KAT2B: variants seen among roughly 807,000 people sequenced by gnomAD.
The protein encoded by KAT2B is lysine acetyltransferase 2B.
KAT2B carries 36 observed loss-of-function variants against 105.9 expected under a neutral mutation model. The ratio of observed to expected loss-of-function variants is 0.34; its 90% CI spans 0.26 to 0.45. The LOEUF (loss-of-function observed/expected upper bound fraction) is 0.45. Ranked by LOEUF, KAT2B falls within the 20% of genes least tolerant of loss-of-function variation. KAT2B has a pLI of 1.00. For missense variants in KAT2B, 820 were observed against 1,021.6 expected, an observed-to-expected ratio of 0.80 and a Z score of 2.69; for synonymous variants, 397 against 377.9, an observed-to-expected ratio of 1.05 and a Z score of -0.59.
chr3:20,152,313 A>AT lies in KAT2B; in HGVS notation c.2306-10dup, dbSNP rs532817681. Reference sequence around the variant, plus strand: ...TTAAAGGGAGTCAAAGATTGCTAATATTTTTTTTTCCTGTGCAGATCTGAA... The same window carrying AT: ...TTAAAGGGAGTCAAAGATTGCTAATATTTTTTTTTTCCTGTGCAGATCTGAA... On this transcript the variant is annotated intron_variant, in intron 17 of 17. Coordinates refer to ENST00000263754, the MANE Select transcript of KAT2B (RefSeq NM_003884.5). The AT allele has an allele frequency of 9.0e-4, 1,395 of 1,544,990 alleles. 4 individuals carry two copies. The highest frequency in any genetic ancestry group is 1.4e-3 in the African/African-American group (101 of 73,246).
chr3:20,052,820 A>T (rs1448295956), intron 1 of KAT2B, among the ~76,000 whole-genome samples: 2 of 151,908 alleles, frequency 1.3e-5, no homozygotes, highest in Non-Finnish European at 2.9e-5. Flanking sequence ...AAACAAAAAG[A>T]CGAAAATTAG....
intron 2 of KAT2B, among the ~76,000 whole-genome samples, chr3:20,092,329 A>G (rs905306846): frequency 6.6e-6 from 1 of 151,592 alleles, no homozygotes; most frequent in African/African-American, 2.4e-5. Flanking sequence ...CACAGGTTCA[A>G]GTGATCCTCT....
intron 17 of KAT2B, 163 bp downstream of exon 17, chr3:20,148,650 G>A: frequency 3.5e-6 from 2 of 568,130 alleles, no homozygotes; most frequent in Non-Finnish European, 3.1e-6. Context: ...TGGCAGAGAA[G>A]TGGGTGGCTG....
intron 1 of KAT2B, among the ~76,000 whole-genome samples, chr3:20,059,337 C>A (rs1698056942): frequency 6.7e-6 from 1 of 148,466 alleles, no homozygotes; most frequent in Non-Finnish European, 1.5e-5. Flanking sequence ...TCGCTTGAAC[C>A]TGGGAGGCGG....
chr3:20,144,401 T>G (rs1207881838), intron 13 of KAT2B, among the ~76,000 whole-genome samples: 1 of 148,246 alleles, frequency 6.7e-6, no homozygotes, highest in Non-Finnish European at 1.5e-5. Flanking sequence ...CCATTCTCCT[T>G]CCTCAGCCTC....
intron 7 of KAT2B, among the ~76,000 whole-genome samples, chr3:20,116,057 A>G (rs1399084268): frequency 1.3e-5 from 2 of 152,096 alleles, no homozygotes; most frequent in African/African-American, 2.4e-5. Context: ...ATTACCAAAA[A>G]CATGTCAAAA....
At chr3:20,054,090 G>C (rs1341889194) in intron 1 of KAT2B, among the ~76,000 whole-genome samples, 1 of 151,700 alleles carries the variant, frequency 6.6e-6, no homozygotes, top group African/African-American at 2.4e-5. Context: ...GAGCCATTGT[G>C]TCCGGCTTTA....
rs992637454 is a variant in KAT2B at position 20,119,248 on chromosome 3, C to T, written c.1151-350C>T. ...CCTACACACATGAACTTCCCCAAAT[C>T]AGTTATCATATGGTGGCTGCCAAAT... On this transcript the variant is annotated intron_variant, in intron 7 of 17. Coordinates refer to ENST00000263754, the MANE Select transcript of KAT2B (RefSeq NM_003884.5). Among the ~76,000 whole-genome samples, 13 of 150,190 alleles carry T rather than the reference C, an allele frequency of 8.7e-5. No homozygotes were observed. The South Asian group carries it at 2.7e-3, about 32-fold the overall frequency.
intron 12 of KAT2B, 53 bp from the exon 13 acceptor site, chr3:20,140,168 C>T: frequency 1.8e-6 from 2 of 1,129,538 alleles, no homozygotes; most frequent in South Asian, 1.3e-5. Context: ...AGTTAGCACT[C>T]AGTAGATATT....
intron 1 of KAT2B, among the ~76,000 whole-genome samples, chr3:20,053,080 A>G (rs1027971956): frequency 6.6e-6 from 1 of 152,212 alleles, no homozygotes; most frequent in Non-Finnish European, 1.5e-5. Flanking sequence ...ACACTTACTC[A>G]TAGTTAAGTG....
chr3:20,087,951 A>AT (rs1698650088), intron 2 of KAT2B, among the ~76,000 whole-genome samples: 4 of 125,624 alleles, frequency 3.2e-5, no homozygotes, highest in Admixed American at 7.5e-5. Context: ...ATTAAAAAAA[A>AT]ATTTTTTTTT....
chr3:20,068,461 A>C (rs759916188), intron 1 of KAT2B, among the ~76,000 whole-genome samples: 4 of 150,546 alleles, frequency 2.7e-5, no homozygotes, highest in Non-Finnish European at 5.9e-5. Context: ...TCTTTGCTCT[A>C]AGGTCATCTC....
intron 13 of KAT2B, among the ~76,000 whole-genome samples, chr3:20,144,489 C>T (rs1478150021): frequency 1.3e-5 from 2 of 151,620 alleles, no homozygotes; most frequent in East Asian, 3.9e-4. Flanking sequence ...AGGGGTTTCA[C>T]TGTGTTAGCC....
At chr3:20,071,814 T>C (rs1197816228) in intron 1 of KAT2B, among the ~76,000 whole-genome samples, 2 of 152,194 alleles carry the variant, frequency 1.3e-5, no homozygotes, top group African/African-American at 4.8e-5. Flanking sequence ...TGGAGGAGCC[T>C]GCAAGTGTGC....
rs982869738 is a variant in KAT2B at position 20,040,927 on chromosome 3, C to T, written c.303+147C>T. 7 of 996,422 alleles carry T rather than the reference C, an allele frequency of 7.0e-6. No homozygotes were observed. In the African/African-American group the frequency reaches 8.6e-5, roughly 12 times the overall value. The allele number at this position is 996,422 out of a possible 1,614,324, so 61.7% of individuals were successfully genotyped here. A position where few individuals can be genotyped will look rare whatever the true frequency, so the allele number is the denominator to read the frequency against. On this transcript the variant is annotated intron_variant, in intron 1 of 17. Transcript: ENST00000263754. ...CGCTGCACCGCGGAAGTGCTCTTGT[C>T]GCCCGCGCCCAATTAGCTTCTTCTT...
intron 11 of KAT2B, among the ~76,000 whole-genome samples, chr3:20,135,989 A>G (rs1421867795): frequency 6.6e-6 from 1 of 152,202 alleles, no homozygotes; most frequent in Non-Finnish European, 1.5e-5. Flanking sequence ...GCGGTGTTCT[A>G]GCAGATTGCC....
At chr3:20,085,210 T>G (rs1698591485) in intron 2 of KAT2B, among the ~76,000 whole-genome samples, 1 of 152,084 alleles carries the variant, frequency 6.6e-6, no homozygotes. Context: ...AAAAAAAAGT[T>G]TATAAGACAA....
chr3:20,072,521 T>TA, intron 2 of KAT2B, 62 bp downstream of exon 2: 1 of 1,530,234 alleles, frequency 6.5e-7, no homozygotes, highest in Non-Finnish European at 9.0e-7. Flanking sequence ...ACTCTTAACT[T>TA]ACTGAATTCT....
Position 20,040,599 on chromosome 3 carries a change from C to T in KAT2B, c.122C>T (p.Pro41Leu). The T allele has an allele frequency of 6.3e-6, 8 of 1,272,600 alleles. No individual in the cohort carries two copies. Among genetic ancestry groups the T allele is most frequent in the Non-Finnish European group, 8.0e-6 (8 of 1,004,820 alleles). The allele number at this position is 1,272,600 out of a possible 1,614,324, so 78.8% of individuals were successfully genotyped here. A position where few individuals can be genotyped will look rare whatever the true frequency, so the allele number is the denominator to read the frequency against. Reference sequence around the variant, plus strand: ...CCGCCCGCGCCCCCGCAGGGCTCCCCCTGCGCCGCTGCCGCCGGGGGCTCG... The same window carrying T: ...CCGCCCGCGCCCCCGCAGGGCTCCCTCTGCGCCGCTGCCGCCGGGGGCTCG... ...ALPPAPPQGS[P>L]CAAAAGGSGA... is the part of the protein sequence containing the mutation. The change falls in exon 1 of 18, where the codon CCC (proline) becomes CTC (leucine). Residue 41 changes from proline (P) to leucine (L), a missense_variant. By Grantham distance (98) the Pro-to-Leu change is moderately conservative (BLOSUM62 -3). Transcript: ENST00000263754.
Sources: gnomAD v4.1 joint callset for allele counts (sites outside exome capture counted in the v4.1 genomes callset) on GRCh38, gnomAD v4.1.1 for gene constraint, MANE v1.5 for transcripts, NCBI Gene and HGNC (gene_info 2026-07-23, HGNC 2026-07-21) for gene names.